Variants in ARPC1B observed in about 807,000 individuals in gnomAD.
ARPC1B encodes the protein actin-related protein 2/3 complex subunit 1B.
A neutral mutation model predicts 46.0 loss-of-function variants in ARPC1B; 29 were observed. That is an observed-to-expected ratio of 0.63 (90% CI 0.47 to 0.86). The LOEUF (loss-of-function observed/expected upper bound fraction) is 0.86, where lower values mean the gene tolerates loss of function less well. Among genes scored for constraint, ARPC1B ranks in the 40% least tolerant of loss-of-function variants. The probability of loss-of-function intolerance (pLI) is 0.00; values close to 1 mark genes in which losing one functional copy is unlikely to be tolerated. For missense variants in ARPC1B, 469 were observed against 529.4 expected (o/e 0.89, Z 1.12); for synonymous variants, 201 against 213.9 (o/e 0.94, Z 0.53).
intron 9 of ARPC1B, 123 bp from the exon 10 acceptor site, chr7:99,394,328 A>T (rs1188554147): frequency 9.2e-7 from 1 of 1,091,376 alleles, no homozygotes; most frequent in Admixed American, 1.8e-5. Context: ...CAGCTGACAG[A>T]CTCCAAAACT....
At chr7:99,384,390 C>T (rs1447539415) in intron 1 of ARPC1B, among the ~76,000 whole-genome samples, 1 of 151,972 alleles carries the variant, frequency 6.6e-6, no homozygotes, top group Non-Finnish European at 1.5e-5. Flanking sequence ...AGCTTGAGAC[C>T]AGCCTGGACA....
At chr7:99,393,110 G>A (rs530404648) in intron 8 of ARPC1B, among the ~76,000 whole-genome samples, 5 of 152,292 alleles carry the variant, frequency 3.3e-5, no homozygotes, top group African/African-American at 1.2e-4. Context: ...GGGCCTTGGC[G>A]CCGTACTAAA....
At position 99,383,421 on chromosome 7, in the gene ARPC1B, C is replaced by T. The variant is rs965848826; in HGVS notation, c.-13-2281C>T. ...TCAGCGGATATTTCTTGAGCACCTA[C>T]TATGTGCTAAGCATTTAAGCAGTGG... is the stretch of plus-strand genomic sequence containing the variant. On this transcript the variant is annotated intron_variant, in intron 1 of 9. Transcript: ENST00000646101. Among the ~76,000 whole-genome samples the T allele has an allele frequency of 5.9e-5, 9 of 152,160 alleles. No individual in the cohort carries two copies. The East Asian group carries it at 1.3e-3, about 23-fold the overall frequency.
chr7:99,375,715 G>A (rs1294460210), intron 1 of ARPC1B, among the ~76,000 whole-genome samples: 1 of 152,208 alleles, frequency 6.6e-6, no homozygotes, highest in Non-Finnish European at 1.5e-5. Flanking sequence ...TTGAGGCCAG[G>A]AGTTGGAGGC....
At position 99,391,087 on chromosome 7, in the gene ARPC1B, A is replaced by T. The variant is rs745414166; in HGVS notation, c.695A>T (p.Asp232Val). The T allele has an allele frequency of 1.2e-6, 2 of 1,613,460 alleles. No individual in the cohort carries two copies. Reference protein sequence around the residue: ...HDSTVCLADADKKMAVATLAS... With the variant: ...HDSTVCLADAVKKMAVATLAS... ...AGCACCGTCTGCCTGGCTGATGCCGACAAGAAGATGGCGTGAGTCGAGGCC... is the reference window on the plus strand; with the variant it reads ...AGCACCGTCTGCCTGGCTGATGCCGTCAAGAAGATGGCGTGAGTCGAGGCC... The change falls in exon 6 of 10, where the codon GAC (aspartate) becomes GTC (valine). Residue 232 changes from aspartate to valine, a missense_variant. Transcript: ENST00000646101.
chr7:99,391,513 G>A (rs998603441), intron 7 of ARPC1B, among the ~76,000 whole-genome samples: 9 of 152,266 alleles, frequency 5.9e-5, no homozygotes, highest in South Asian at 4.2e-4. Context: ...GCGAGGTTGA[G>A]GTGGAAGTAT....
rs574874781 is a variant in ARPC1B at position 99,388,034 on chromosome 7, C to G, written c.170-5C>G. 4.0e-5 allele frequency: 64 copies of G among 1,591,178 alleles called. No individual in the cohort carries two copies. Among genetic ancestry groups the G allele is most frequent in the Non-Finnish European group, 5.1e-5 (59 of 1,160,754 alleles). ...GCCTCCTGTGTTCCCTCCATCCCCC[C>G]ACAGGCATCGACTGGGCCCCCGAGA... On this transcript the variant is annotated splice_polypyrimidine_tract_variant and splice_region_variant and intron_variant, in intron 3 of 9. Transcript: ENST00000646101.
rs1032475110 is a variant in ARPC1B at position 99,394,527 on chromosome 7, G to A, written c.*38G>A. 2 of 1,613,944 alleles carry A rather than the reference G, an allele frequency of 1.2e-6. No homozygotes were observed. Among genetic ancestry groups the A allele is most frequent in the Non-Finnish European group, 1.7e-6 (2 of 1,180,002 alleles). ...ATGTTGCCTTCATCCTAGCTGCTGG[G>A]GAAGCGGGGAGAGGGGTCAGGGAGG... On this transcript the variant is annotated 3_prime_UTR_variant, in exon 10 of 10. Transcript: ENST00000646101.
intron 1 of ARPC1B, among the ~76,000 whole-genome samples, chr7:99,376,144 C>G (rs986112597): frequency 1.3e-5 from 2 of 151,946 alleles, no homozygotes; most frequent in Non-Finnish European, 2.9e-5. Context: ...TTGAACCTGC[C>G]TTGGCAGTGA....
At chr7:99,381,546 C>T (rs1226370113) in intron 1 of ARPC1B, among the ~76,000 whole-genome samples, 1 of 152,106 alleles carries the variant, frequency 6.6e-6, no homozygotes, top group African/African-American at 2.4e-5. Flanking sequence ...TGGGGACCCA[C>T]CGGGGTCCTG....
chr7:99,387,736 C>CAA (rs35192470), intron 3 of ARPC1B, among the ~76,000 whole-genome samples: 50 of 61,234 alleles, frequency 8.2e-4, no homozygotes, highest in Non-Finnish European at 1.3e-3. Flanking sequence ...GACTCTGTCT[C>CAA]AAAAAAAAAA....
At chr7:99,393,597 C>T (rs1172635706) in intron 8 of ARPC1B, among the ~76,000 whole-genome samples, 2 of 152,216 alleles carry the variant, frequency 1.3e-5, no homozygotes, top group Non-Finnish European at 2.9e-5. Context: ...GTCCACCCCG[C>T]GGCGAATCAG....
rs1217722578 is a variant in ARPC1B at position 99,390,984 on chromosome 7, T to A, written c.592T>A (p.Ser198Thr). The A allele has an allele frequency of 6.2e-7, 1 of 1,613,894 alleles. No individual in the cohort carries two copies. Among genetic ancestry groups the A allele is most frequent in the Non-Finnish European group, 8.5e-7 (1 of 1,180,018 alleles). Residue 198 changes from serine to threonine, a missense_variant, in exon 6 of 10, where the codon TCC becomes ACC. By Grantham distance (58) the Ser-to-Thr change is moderately conservative. Transcript: ENST00000646101. ...KMPFGELMFE[S>T]SSSCGWVHGV... ...GCCCTTTGGGGAACTGATGTTCGAA[T>A]CCAGCAGTAGCTGCGGCTGGGTACA...
At chr7:99,392,028 A>G (rs1794584802) in intron 7 of ARPC1B, 2 of 152,068 alleles carry the variant, frequency 1.3e-5, no homozygotes. Flanking sequence ...CTCCATCTCA[A>G]AAACAGAAAA....
chr7:99,375,550 C>T (rs1312298456), intron 1 of ARPC1B, among the ~76,000 whole-genome samples: 3 of 146,814 alleles, frequency 2.0e-5, no homozygotes, highest in Non-Finnish European at 4.4e-5. Context: ...CACCCGCGGG[C>T]AGTGAAGGGA....
Position 99,386,809 on chromosome 7 carries a change from A to G in ARPC1B, c.169+20A>G, listed in dbSNP as rs1213557172. 1.9e-6 allele frequency: 3 copies of G among 1,589,996 alleles called. No homozygotes were observed. Among genetic ancestry groups the G allele is most frequent in the Non-Finnish European group, 2.6e-6 (3 of 1,159,592 alleles). ...TGACAGGTATGTCAGGGTGGCTGGG[A>G]CCACCGTCCTGAAAGGAGGTGGTGG... On this transcript the variant is annotated intron_variant, in intron 3 of 9. Coordinates refer to ENST00000646101, the MANE Select transcript of ARPC1B (RefSeq NM_005720.4).
At position 99,378,930 on chromosome 7, in the gene ARPC1B, C is replaced by G. The variant is rs184511740; in HGVS notation, c.-14+4149C>G. Among the ~76,000 whole-genome samples, 1,437 of 151,720 alleles carry G rather than the reference C, an allele frequency of 9.5e-3. 18 individuals are homozygous for G. The highest frequency in any genetic ancestry group is 0.033 in the African/African-American group (1,370 of 41,420). ...TAGCTGGGACTACAGGCGCCCGCCA[C>G]CACGCCCGGCTTAATTTTTTGTATT... On this transcript the variant is annotated intron_variant, in intron 1 of 9. Coordinates refer to ENST00000646101, the MANE Select transcript of ARPC1B (RefSeq NM_005720.4).
intron 8 of ARPC1B, among the ~76,000 whole-genome samples, chr7:99,393,703 C>T (rs1584414052): frequency 6.6e-6 from 1 of 152,282 alleles, no homozygotes; most frequent in African/African-American, 2.4e-5. Flanking sequence ...GATGAAACAC[C>T]TTTGTCCAGC....
rs948180577 is a variant in ARPC1B at position 99,390,534 on chromosome 7, GC to G, written c.501-356del. On this transcript the variant is annotated intron_variant, in intron 5 of 9. Transcript: ENST00000646101. ...TGGAACTACAGGCGCATGCCACCAT[GC>G]CCGGCTAATTTTTGTATTTTTAAAT... Among the ~76,000 whole-genome samples, 13 of 152,002 alleles carry G rather than the reference GC, an allele frequency of 8.6e-5. No homozygotes were observed. The East Asian group carries it at 1.5e-3, about 18-fold the overall frequency.
Sources: allele counts gnomAD v4.1 joint callset (sites outside exome capture counted in the v4.1 genomes callset), GRCh38; gene constraint gnomAD v4.1.1; transcripts MANE v1.5; gene names NCBI Gene and HGNC (gene_info 2026-07-23, HGNC 2026-07-21).